KIF6: variants seen among roughly 807,000 people sequenced by gnomAD.
The protein encoded by KIF6 is kinesin-like protein KIF6.
In KIF6, 106 loss-of-function variants were observed where a neutral mutation model predicts 112.7. The observed-to-expected ratio is 0.94, with a 90% CI of 0.80 to 1.11. KIF6 has a LOEUF of 1.11. Ranked by LOEUF, KIF6 falls within the 50% of genes least tolerant of loss-of-function variation. The pLI is 0.00. For missense variants in KIF6, 929 were observed against 964.0 expected (o/e 0.96, Z 0.48); for synonymous variants, 339 against 339.9 (o/e 1.00, Z 0.03).
At chr6:39,516,388 T>C (rs1777086639) in intron 13 of KIF6, among the ~76,000 whole-genome samples, 1 of 148,438 alleles carries the variant, frequency 6.7e-6, no homozygotes. Context: ...AATCATTATA[T>C]CTTATGTATT....
chr6:39,682,558 G>A (rs554183190), intron 3 of KIF6, among the ~76,000 whole-genome samples: 2 of 152,246 alleles, frequency 1.3e-5, no homozygotes, highest in South Asian at 4.1e-4. Flanking sequence ...ATAAAATAAT[G>A]CACTACAATG....
intron 3 of KIF6, among the ~76,000 whole-genome samples, chr6:39,684,413 C>T (rs1787721850): frequency 6.6e-6 from 1 of 151,922 alleles, no homozygotes; most frequent in South Asian, 2.1e-4. Flanking sequence ...GTTGGGAGTT[C>T]GAGGCCAGCC....
chr6:39,337,458 A>T (rs1372047727), intron 22 of KIF6, among the ~76,000 whole-genome samples: 1 of 151,520 alleles, frequency 6.6e-6, no homozygotes, highest in East Asian at 2.0e-4. Flanking sequence ...AATTACAGGC[A>T]CCCACCACCA....
At chr6:39,593,597 G>A (rs1782069708) in intron 7 of KIF6, among the ~76,000 whole-genome samples, 1 of 152,144 alleles carries the variant, frequency 6.6e-6, no homozygotes, top group Admixed American at 6.5e-5. Flanking sequence ...GCTAACAGCT[G>A]GAGTGATGCA....
intron 9 of KIF6, among the ~76,000 whole-genome samples, chr6:39,583,716 G>T (rs1781438430): frequency 1.3e-5 from 1 of 76,384 alleles, no homozygotes; most frequent in African/African-American, 4.9e-5. Context: ...TTTTTACAGT[G>T]CAGATTACTA....
At chr6:39,673,192 T>G (rs1786941829) in intron 3 of KIF6, among the ~76,000 whole-genome samples, 1 of 152,202 alleles carries the variant, frequency 6.6e-6, no homozygotes, top group South Asian at 2.1e-4. Context: ...AGGCATCTGA[T>G]TAAGCAAGCT....
chr6:39,447,835 C>T (rs1772427222), intron 13 of KIF6, among the ~76,000 whole-genome samples: 1 of 152,226 alleles, frequency 6.6e-6, no homozygotes, highest in Non-Finnish European at 1.5e-5. Context: ...CTATACTCCA[C>T]TGAAATTGTC....
intron 10 of KIF6, among the ~76,000 whole-genome samples, chr6:39,549,698 C>T (rs1001382366): frequency 8.5e-5 from 13 of 152,132 alleles, no homozygotes; most frequent in Non-Finnish European, 1.6e-4. Context: ...AGCAAGGCCA[C>T]GGACCCCCAT....
At chr6:39,512,769 T>C (rs1456224414) in intron 13 of KIF6, among the ~76,000 whole-genome samples, 3 of 152,308 alleles carry the variant, frequency 2.0e-5, no homozygotes, top group East Asian at 1.9e-4. Context: ...CTAGATTCTC[T>C]TTCTTGCACC....
intron 2 of KIF6, among the ~76,000 whole-genome samples, chr6:39,718,113 C>T (rs1789966419): frequency 6.6e-6 from 1 of 150,988 alleles, no homozygotes; most frequent in African/African-American, 2.4e-5. Context: ...GCCTGTAATC[C>T]CAGCTACTCA....
At chr6:39,677,736 T>G (rs946905791) in intron 3 of KIF6, among the ~76,000 whole-genome samples, 1 of 118,842 alleles carries the variant, frequency 8.4e-6, no homozygotes, top group Non-Finnish European at 1.7e-5. Context: ...CCTGTGTCCA[T>G]GTGATCTCAT....
At chr6:39,595,264 C>A (rs530493410) in intron 7 of KIF6, among the ~76,000 whole-genome samples, 2 of 152,262 alleles carry the variant, frequency 1.3e-5, no homozygotes, top group East Asian at 3.9e-4. Flanking sequence ...TCTATTTACA[C>A]CAACTACTAA....
intron 19 of KIF6, among the ~76,000 whole-genome samples, chr6:39,355,744 G>A (rs1009305232): frequency 1.3e-5 from 2 of 151,366 alleles, no homozygotes; most frequent in South Asian, 2.1e-4. Flanking sequence ...TTACAAGCAT[G>A]AGCCACCACG....
chr6:39,696,281 CT>C (rs1319890836), intron 3 of KIF6, among the ~76,000 whole-genome samples: 1 of 152,138 alleles, frequency 6.6e-6, no homozygotes, highest in Non-Finnish European at 1.5e-5. Flanking sequence ...ACATGTACCC[CT>C]GAATCTAAAA....
Position 39,333,734 on chromosome 6 carries a change from T to C in KIF6, c.*2798A>G, listed in dbSNP as rs977931628. The C allele has an allele frequency of 3.9e-5, 6 of 152,248 alleles. No homozygotes were observed. The highest frequency in any genetic ancestry group is 8.8e-5 in the Non-Finnish European group (6 of 68,048). 9.4% of individuals were successfully genotyped at this position (152,248 alleles called of 1,614,324 possible). A position where few individuals can be genotyped will look rare whatever the true frequency, so the allele number is the denominator to read the frequency against. ...CCTTTTTAGCAAGATCTGGGCAAGC[T>C]ACATTTTAACTTCCCTCCTCCAACC... is the stretch of plus-strand genomic sequence containing the variant. On this transcript the variant is annotated 3_prime_UTR_variant, in exon 23 of 23. Transcript: ENST00000287152.
chr6:39,530,627 G>A (rs561797237), intron 13 of KIF6, among the ~76,000 whole-genome samples: 46 of 152,188 alleles, frequency 3.0e-4, no homozygotes, highest in Non-Finnish European at 1.3e-4. Flanking sequence ...CCATGAATTC[G>A]GTTTCATTTT....
intron 22 of KIF6, among the ~76,000 whole-genome samples, chr6:39,341,456 C>A (rs1016523500): frequency 1.3e-5 from 2 of 152,170 alleles, no homozygotes; most frequent in Non-Finnish European, 2.9e-5. Flanking sequence ...GTTGGAGAAC[C>A]CCAGGGGGCT....
chr6:39,505,275 G>A (rs1225612274), intron 13 of KIF6, among the ~76,000 whole-genome samples: 5 of 152,186 alleles, frequency 3.3e-5, no homozygotes, highest in Non-Finnish European at 7.4e-5. Flanking sequence ...AATAAATGGT[G>A]CTGGAATCAC....
intron 5 of KIF6, among the ~76,000 whole-genome samples, chr6:39,614,555 A>G (rs1275083947): frequency 1.3e-5 from 2 of 152,200 alleles, no homozygotes; most frequent in African/African-American, 4.8e-5. Flanking sequence ...TCCTAATGGC[A>G]GGAAGAAAAT....
Sources: gnomAD v4.1 joint callset for allele counts (sites outside exome capture counted in the v4.1 genomes callset) on GRCh38, gnomAD v4.1.1 for gene constraint, MANE v1.5 for transcripts, NCBI Gene and HGNC (gene_info 2026-07-23, HGNC 2026-07-21) for gene names.